TUBB3: variants seen among roughly 807,000 people sequenced by gnomAD.
TUBB3 encodes tubulin beta 3 class III.
TUBB3 carries 17 observed loss-of-function variants against 37.8 expected under a neutral mutation model. That is an observed-to-expected ratio of 0.45 (90% CI 0.31 to 0.67). The LOEUF (loss-of-function observed/expected upper bound fraction) is 0.67. TUBB3 is among the 30% of genes least tolerant of loss of function. The pLI is 0.07. For synonymous variants in TUBB3, 332 were observed against 278.9 expected (o/e 1.19, Z -1.90); for missense variants, 262 against 657.9 (o/e 0.40, Z 6.58).
intron 3 of TUBB3, chr16:89,934,225 C>T (rs996618296): frequency 6.8e-5 from 28 of 411,074 alleles, no homozygotes; most frequent in South Asian, 2.8e-4. Flanking sequence ...TGTCCTGGGG[C>T]GGGGCCGTGG....
At chr16:89,925,831 T>G (rs1242219968) in intron 1 of TUBB3, among the ~76,000 whole-genome samples, 1 of 152,130 alleles carries the variant, frequency 6.6e-6, no homozygotes, top group Non-Finnish European at 1.5e-5. Context: ...GCCCGTGCAC[T>G]CTGGGCAGAG....
At chr16:89,933,239 G>A (rs980435540) in intron 2 of TUBB3, 1 of 695,030 alleles carries the variant, frequency 1.4e-6, no homozygotes, top group African/African-American at 1.8e-5. Flanking sequence ...ACGTCTGACT[G>A]AATCCTGCCT....
At chr16:89,932,307 C>A (rs1040297280) in intron 1 of TUBB3, among the ~76,000 whole-genome samples, 1 of 152,250 alleles carries the variant, frequency 6.6e-6, no homozygotes, top group South Asian at 2.1e-4. Context: ...ACAGCTGGGC[C>A]TGGGGACCTG....
chr16:89,935,794 G>GCCC lies in TUBB3; in HGVS notation c.1345_1347dup (p.Pro449dup). ...GACGAGGAGGAGTCGGAGGCCCAGG[G>GCCC]CCCCAAGTGAAGCTGCTCGCAGCTG... is the stretch of plus-strand genomic sequence containing the variant. On this transcript the variant is annotated inframe_insertion, in exon 4 of 4. Coordinates refer to ENST00000315491, the MANE Select transcript of TUBB3 (RefSeq NM_006086.4). 6.2e-7 allele frequency: 1 copy of GCCC among 1,613,018 alleles called. No individual in the cohort carries two copies. The highest frequency in any genetic ancestry group is 8.5e-7 in the Non-Finnish European group (1 of 1,179,512).
intron 1 of TUBB3, among the ~76,000 whole-genome samples, chr16:89,925,910 C>T (rs1163927500): frequency 6.6e-6 from 1 of 152,220 alleles, no homozygotes; most frequent in East Asian, 1.9e-4. Context: ...GCGCGGACGA[C>T]TCACCGCGGT....
rs372849008 is a variant in TUBB3 at position 89,935,732 on chromosome 16, C to T, written c.1281C>T (p.Asp427=). The part of the protein sequence containing the change: ...DLVSEYQQYQ[D]ATAEEEGEMY... ...TGTCCGAGTACCAGCAGTACCAGGA[C>T]GCCACGGCCGAGGAAGAGGGCGAGA... The change falls in exon 4 of 4, where the codon GAC becomes GAT. Residue 427 remains aspartate (D), a synonymous_variant. Transcript: ENST00000315491. 16 of 1,613,806 alleles carry T rather than the reference C, an allele frequency of 9.9e-6. No homozygotes were observed. The highest frequency in any genetic ancestry group is 6.6e-5 in the South Asian group (6 of 91,074).
intron 1 of TUBB3, among the ~76,000 whole-genome samples, chr16:89,928,618 A>T (rs536137453): frequency 6.7e-6 from 1 of 149,226 alleles, no homozygotes; most frequent in African/African-American, 2.5e-5. Flanking sequence ...TCCGCCTCCC[A>T]GGTTCACGCC....
chr16:89,932,539 T>A (rs759350772), intron 1 of TUBB3, 32 bp from the exon 2 acceptor site: 1 of 1,588,372 alleles, frequency 6.3e-7, no homozygotes, highest in Non-Finnish European at 8.6e-7. Context: ...TATGGGCCGG[T>A]GCCGACCCCC....
intron 1 of TUBB3, chr16:89,932,152 C>G (rs999982028): frequency 3.1e-6 from 1 of 322,192 alleles, no homozygotes; most frequent in Non-Finnish European, 6.1e-6. Flanking sequence ...CCCTGCTCTG[C>G]CAGCTACTGT....
intron 1 of TUBB3, among the ~76,000 whole-genome samples, chr16:89,924,312 C>T (rs1485736072): frequency 6.6e-6 from 1 of 152,116 alleles, no homozygotes; most frequent in Non-Finnish European, 1.5e-5. Context: ...GGAGGCTGTC[C>T]CTGGCCCAAG....
At chr16:89,933,018 C>T in intron 2 of TUBB3, 7 of 482,548 alleles carry the variant, frequency 1.5e-5, no homozygotes, top group South Asian at 1.2e-4. Context: ...GTCAGGGGCT[C>T]TTTAGCAACT....
At chr16:89,922,421 G>A (rs1470625861), upstream of TUBB3, among the ~76,000 whole-genome samples, 2 of 152,236 alleles carry the variant, frequency 1.3e-5, no homozygotes, top group African/African-American at 4.8e-5. Flanking sequence ...GGAGGTCAGT[G>A]CCGTGCCGGC....
chr16:89,930,088 C>T (rs2030230402), intron 1 of TUBB3, among the ~76,000 whole-genome samples: 1 of 143,708 alleles, frequency 7.0e-6, no homozygotes, highest in Admixed American at 6.9e-5. Flanking sequence ...TTTCTTTCTT[C>T]CTTCATTCCT....
At chr16:89,933,369 T>C (rs2030338882) in intron 2 of TUBB3, 99 bp from the exon 3 acceptor site, 2 of 995,560 alleles carry the variant, frequency 2.0e-6, no homozygotes. Context: ...TCTTAGGATG[T>C]GAGCAGGAGG....
At chr16:89,927,164 C>T (rs1472770805) in intron 1 of TUBB3, among the ~76,000 whole-genome samples, 1 of 151,900 alleles carries the variant, frequency 6.6e-6, no homozygotes, top group Non-Finnish European at 1.5e-5. Flanking sequence ...CACCTGAGGT[C>T]AGCACTTCAG....
At chr16:89,923,278 T>C, upstream of TUBB3, 3 of 723,986 alleles carry the variant, frequency 4.1e-6, no homozygotes, top group South Asian at 8.5e-5. Flanking sequence ...CCACCCGCGG[T>C]GACATCAGCC....
chr16:89,928,310 C>T (rs2030156930), intron 1 of TUBB3, among the ~76,000 whole-genome samples: 1 of 151,980 alleles, frequency 6.6e-6, no homozygotes, highest in Non-Finnish European at 1.5e-5. Context: ...CCTCTCTTGG[C>T]CTCCCAAACT....
intron 1 of TUBB3, among the ~76,000 whole-genome samples, chr16:89,926,206 G>C (rs2030073699): frequency 6.6e-6 from 1 of 152,182 alleles, no homozygotes; most frequent in South Asian, 2.1e-4. Flanking sequence ...GCGGCGGAGG[G>C]GGGAGCCTTT....
chr16:89,934,267 G>A (rs565873803), intron 3 of TUBB3: 10 of 463,514 alleles, frequency 2.2e-5, no homozygotes, highest in East Asian at 1.3e-4. Context: ...GTCCTGGGGC[G>A]GGGCCGTGGA....
Sources: allele counts gnomAD v4.1 joint callset (sites outside exome capture counted in the v4.1 genomes callset), GRCh38; gene constraint gnomAD v4.1.1; transcripts MANE v1.5; gene names NCBI Gene and HGNC (gene_info 2026-07-23, HGNC 2026-07-21).